PIAS1: variants seen among roughly 807,000 people sequenced by gnomAD.
PIAS1 encodes E3 SUMO-protein ligase PIAS1.
Under a neutral mutation model 71.3 loss-of-function variants are expected in PIAS1, and 6 were observed. That is an observed-to-expected ratio of 0.08 (90% CI 0.05 to 0.17). PIAS1 has a LOEUF of 0.17. Among genes scored for constraint, PIAS1 ranks in the 10% least tolerant of loss-of-function variants. The probability of loss-of-function intolerance (pLI) is 1.00; values close to 1 mark genes in which losing one functional copy is unlikely to be tolerated. For synonymous variants in PIAS1, 303 were observed against 292.9 expected (o/e 1.03, Z -0.35); for missense variants, 555 against 793.6 (o/e 0.70, Z 3.61).
chr15:68,133,135 T>C (rs140908944), intron 2 of PIAS1, among the ~76,000 whole-genome samples: 37 of 152,194 alleles, frequency 2.4e-4, no homozygotes, highest in African/African-American at 7.9e-4. Flanking sequence ...CACATAGAAA[T>C]CATCTTCATT....
At chr15:68,124,590 G>A (rs912397045) in intron 2 of PIAS1, among the ~76,000 whole-genome samples, 5 of 151,896 alleles carry the variant, frequency 3.3e-5, no homozygotes, top group African/African-American at 1.2e-4. Flanking sequence ...GTGTGGTGGT[G>A]CATGCCTGTA....
rs573577043 is a variant in PIAS1 at position 68,063,458 on chromosome 15, G to C, written c.24+9108G>C. Among the ~76,000 whole-genome samples the C allele has an allele frequency of 2.0e-5, 3 of 152,284 alleles. No individual in the cohort carries two copies. In the South Asian group the frequency reaches 6.2e-4, roughly 32 times the overall value. On this transcript the variant is annotated intron_variant, in intron 1 of 13. Transcript: ENST00000249636. ...ACTGAAGAGGCACAGAACTGGCTCAGAAACTGGCTTATAGTAGATTCTCAG... is the reference window on the plus strand; with the variant it reads ...ACTGAAGAGGCACAGAACTGGCTCACAAACTGGCTTATAGTAGATTCTCAG...
intron 1 of PIAS1, among the ~76,000 whole-genome samples, chr15:68,073,960 C>G (rs1028670537): frequency 6.6e-6 from 1 of 152,066 alleles, no homozygotes; most frequent in Non-Finnish European, 1.5e-5. Context: ...ATTGACAGGA[C>G]TTGGTAAATA....
At chr15:68,124,021 T>C (rs1019893490) in intron 2 of PIAS1, among the ~76,000 whole-genome samples, 2 of 152,166 alleles carry the variant, frequency 1.3e-5, no homozygotes, top group African/African-American at 4.8e-5. Flanking sequence ...TACACATACG[T>C]GTGTACATAT....
At chr15:68,170,649 C>CT (rs971440332) in intron 8 of PIAS1, among the ~76,000 whole-genome samples, 75 of 151,492 alleles carry the variant, frequency 5.0e-4, no homozygotes, top group South Asian at 2.3e-3. Flanking sequence ...CTTACTGTAA[C>CT]TTTTTTTTTG....
At chr15:68,115,573 T>C (rs1188115976) in intron 2 of PIAS1, among the ~76,000 whole-genome samples, 1 of 152,142 alleles carries the variant, frequency 6.6e-6, no homozygotes, top group Non-Finnish European at 1.5e-5. Context: ...TTCAGTATAA[T>C]GTTGAATAGA....
In PIAS1 at chr15:68,151,683, A is replaced by AACACACACAC. The variant is rs754171390; in HGVS notation, c.829-1891_829-1882dup. Among the ~76,000 whole-genome samples, 123 of 134,856 alleles carry AACACACACAC rather than the reference A, an allele frequency of 9.1e-4. 1 individual carries two copies. In the Middle Eastern group the frequency reaches 0.015, roughly 16 times the overall value. 88.5% of individuals were successfully genotyped at this position (134,856 alleles called of 152,430 possible). Reference sequence around the variant, plus strand: ...AAAAACAAAAAAAACAAAAAAACAAAACACACACACACACACACACACACA... The same window carrying AACACACACAC: ...AAAAACAAAAAAAACAAAAAAACAAAACACACACACACACACACACACACACACACACACA... On this transcript the variant is annotated intron_variant, in intron 6 of 13. Coordinates refer to ENST00000249636, the MANE Select transcript of PIAS1 (RefSeq NM_016166.3).
rs1167158336 is a variant in PIAS1 at position 68,171,795 on chromosome 15, C to T, written c.1009-1937C>T. ...TTGGGCCCCAAATGACAGTTAATTT[C>T]CTGGTAGACTAGGAAATTTCACATT... On this transcript the variant is annotated intron_variant, in intron 8 of 13. Transcript: ENST00000249636. The surrounding 1 kb of genome is among the most constrained non-coding windows in gnomAD (Gnocchi z 4.4). Among the ~76,000 whole-genome samples, 1 of 152,068 alleles carries T rather than the reference C, an allele frequency of 6.6e-6. No homozygotes were observed. Among genetic ancestry groups the T allele is most frequent in the Non-Finnish European group, 1.5e-5 (1 of 68,020 alleles).
rs1311560328 is a variant in PIAS1, at chr15:68,069,798, C to T, written c.24+15448C>T. On this transcript the variant is annotated intron_variant, in intron 1 of 13. Transcript: ENST00000249636. ...CAGCCTGGGTGACAGAGCAAGACTC[C>T]GTCTCAAAAAAAAAAAAAAAAAAAG... is the stretch of plus-strand genomic sequence containing the variant. Among the ~76,000 whole-genome samples, 20 of 115,526 alleles carry T rather than the reference C, an allele frequency of 1.7e-4. 1 individual carries two copies. The highest frequency in any genetic ancestry group is 1.3e-3 in the Admixed American group (14 of 10,962). 75.8% of individuals were successfully genotyped at this position (115,526 alleles called of 152,430 possible). A position where few individuals can be genotyped will look rare whatever the true frequency, so the allele number is the denominator to read the frequency against.
At chr15:68,153,883 C>T (rs1225783267) in intron 7 of PIAS1, 188 bp downstream of exon 7, 1 of 382,258 alleles carries the variant, frequency 2.6e-6, no homozygotes, top group Non-Finnish European at 4.7e-6. Context: ...TTAAAATTAA[C>T]TTTGTGAAGT....
chr15:68,086,882 T>C lies in PIAS1; in HGVS notation c.469+132T>C. 1 of 585,770 alleles carries C rather than the reference T, an allele frequency of 1.7e-6. No homozygotes were observed. The highest frequency in any genetic ancestry group is 2.4e-5 in the South Asian group (1 of 41,090). The allele number at this position is 585,770 out of a possible 1,614,324, so 36.3% of individuals were successfully genotyped here. A position where few individuals can be genotyped will look rare whatever the true frequency, so the allele number is the denominator to read the frequency against. On this transcript the variant is annotated intron_variant, in intron 2 of 13. Coordinates refer to ENST00000249636, the MANE Select transcript of PIAS1 (RefSeq NM_016166.3). The surrounding 1 kb of genome is among the most constrained non-coding windows in gnomAD (Gnocchi z 7.2). ...AGTAACAGCTGGATAATAATGAAGA[T>C]CTTTCAAATTTAGATAAAATCAAAT...
chr15:68,168,389 A>G (rs1408090669), intron 8 of PIAS1, among the ~76,000 whole-genome samples: 1 of 152,178 alleles, frequency 6.6e-6, no homozygotes, highest in Non-Finnish European at 1.5e-5. Context: ...AGGGCTTTTT[A>G]AAAATATAAG....
chr15:68,176,669 A>AT lies in PIAS1; in HGVS notation c.1481+18dup. The stretch of plus-strand genomic sequence containing the variant: ...AATAATAAAGGGTAAGTGCTGAGAC[A>AT]TTTAAAAAAAAAAGTAATCATGAAA... On this transcript the variant is annotated intron_variant, in intron 11 of 13. Transcript: ENST00000249636. 1 of 1,502,210 alleles carries AT rather than the reference A, an allele frequency of 6.7e-7. No individual in the cohort carries two copies. Among genetic ancestry groups the AT allele is most frequent in the Non-Finnish European group, 8.9e-7 (1 of 1,121,406 alleles). The allele number at this position is 1,502,210 out of a possible 1,614,324, so 93.1% of individuals were successfully genotyped here. A position where few individuals can be genotyped will look rare whatever the true frequency, so the allele number is the denominator to read the frequency against.
At chr15:68,093,688 G>C (rs1365792599) in intron 2 of PIAS1, among the ~76,000 whole-genome samples, 1 of 152,174 alleles carries the variant, frequency 6.6e-6, no homozygotes, top group South Asian at 2.1e-4. Flanking sequence ...GGGTTATAAT[G>C]GGGGGAAGGA....
At chr15:68,088,659 A>C (rs955830144) in intron 2 of PIAS1, among the ~76,000 whole-genome samples, 22 of 152,182 alleles carry the variant, frequency 1.4e-4, no homozygotes, top group African/African-American at 4.3e-4. Context: ...TGGCTCAATA[A>C]ATATTTGTTG....
intron 1 of PIAS1, among the ~76,000 whole-genome samples, chr15:68,073,022 T>G (rs1237432209): frequency 6.6e-6 from 1 of 151,758 alleles, no homozygotes; most frequent in African/African-American, 2.4e-5. Flanking sequence ...TAATTTCTTT[T>G]TTTATTTTTT....
rs1250418047 is a variant in PIAS1 at position 68,054,452 on chromosome 15, C to A, written c.24+102C>A. ...ACCCTGGGGGGCCTCTCGGGCCTGACTCCACCCGGGCCTGGAGTTGTAGGG... is the reference window on the plus strand; with the variant it reads ...ACCCTGGGGGGCCTCTCGGGCCTGAATCCACCCGGGCCTGGAGTTGTAGGG... On this transcript the variant is annotated intron_variant, in intron 1 of 13. Coordinates refer to ENST00000249636, the MANE Select transcript of PIAS1 (RefSeq NM_016166.3). The surrounding 1 kb of genome is among the most constrained non-coding windows in gnomAD (Gnocchi z 4.6). The A allele has an allele frequency of 6.3e-6, 8 of 1,270,976 alleles. No individual in the cohort carries two copies. Among genetic ancestry groups the A allele is most frequent in the African/African-American group, 1.5e-5 (1 of 66,362 alleles). The allele number at this position is 1,270,976 out of a possible 1,614,324, so 78.7% of individuals were successfully genotyped here. A position where few individuals can be genotyped will look rare whatever the true frequency, so the allele number is the denominator to read the frequency against.
In PIAS1 at chr15:68,086,064, T is replaced by C. The variant is rs967845320; in HGVS notation, c.25-242T>C. Among the ~76,000 whole-genome samples the C allele has an allele frequency of 3.9e-5, 6 of 152,192 alleles. No individual in the cohort carries two copies. Among genetic ancestry groups the C allele is most frequent in the Non-Finnish European group, 7.3e-5 (5 of 68,028 alleles). Reference sequence around the variant, plus strand: ...GGTGTGGTTTTCCCTGGTGTATACTTTATCCTATATTTCTTATAACCAAGG... The same window carrying C: ...GGTGTGGTTTTCCCTGGTGTATACTCTATCCTATATTTCTTATAACCAAGG... On this transcript the variant is annotated intron_variant, in intron 1 of 13. Coordinates refer to ENST00000249636, the MANE Select transcript of PIAS1 (RefSeq NM_016166.3). This position sits in a 1 kb window ranked among gnomAD's most constrained non-coding sequence, Gnocchi z 7.2.
rs757166564 is a variant in PIAS1 at position 68,173,926 on chromosome 15, A to G, written c.1169+34A>G. The G allele has an allele frequency of 7.6e-7, 1 of 1,323,074 alleles. No homozygotes were observed. The highest frequency in any genetic ancestry group is 2.1e-5 in the South Asian group (1 of 48,760). The allele number at this position is 1,323,074 out of a possible 1,614,324, so 82.0% of individuals were successfully genotyped here. On this transcript the variant is annotated intron_variant, in intron 9 of 13. Coordinates refer to ENST00000249636, the MANE Select transcript of PIAS1 (RefSeq NM_016166.3). This position sits in a 1 kb window ranked among gnomAD's most constrained non-coding sequence, Gnocchi z 4.3. ...CTTTAAGTGTTTTTGGTACCTTGAAATGACCATATATTATCTGGGTTTGTT... is the reference window on the plus strand; with the variant it reads ...CTTTAAGTGTTTTTGGTACCTTGAAGTGACCATATATTATCTGGGTTTGTT...
Sources: allele counts gnomAD v4.1 joint callset (sites outside exome capture counted in the v4.1 genomes callset), GRCh38; gene constraint gnomAD v4.1.1; non-coding constraint Gnocchi (gnomAD v3.1); transcripts MANE v1.5; gene names NCBI Gene and HGNC (gene_info 2026-07-23, HGNC 2026-07-21).